The following MICAL1 variants were observed in gnomAD, a reference collection of about 807,000 sequenced individuals.
The protein encoded by MICAL1 is [F-actin]-monooxygenase MICAL1.
In MICAL1, 95 loss-of-function variants were observed where a neutral mutation model predicts 131.8. The observed-to-expected ratio is 0.72, with a 90% CI of 0.61 to 0.86. MICAL1 has a LOEUF of 0.86. MICAL1 is among the 40% of genes least tolerant of loss of function. The pLI, the probability that MICAL1 is intolerant of heterozygous loss-of-function variation, is 0.00. For synonymous variants in MICAL1, 546 were observed against 554.2 expected (o/e 0.99, Z 0.21); for missense variants, 1,292 against 1,380.6 (o/e 0.94, Z 1.02).
chr6:109,451,908 G>A, intron 6 of MICAL1: 1 of 1,391,180 alleles, frequency 7.2e-7, no homozygotes, highest in South Asian at 1.6e-5. Flanking sequence ...AAAGAGGGAA[G>A]CTTGGAGGGG....
Position 109,444,748 on chromosome 6 carries a change from A to G in MICAL1, c.3032T>C (p.Leu1011Pro), listed in dbSNP as rs763358152. Residue 1011 changes from leucine to proline, a missense_variant, in exon 24 of 25, where the codon CTA (leucine) becomes CCA (proline). Physicochemically the swap from Leu to Pro is moderately conservative, Grantham distance 98 (BLOSUM62 -3). Coordinates refer to ENST00000358807, the MANE Select transcript of MICAL1 (RefSeq NM_022765.4). Reference sequence around the variant, plus strand: ...ACCTTCCCGGTTCATGTAGCCTCGTAGCTCCTGGTCCAGCTGCCACTGTTT... The same window carrying G: ...ACCTTCCCGGTTCATGTAGCCTCGTGGCTCCTGGTCCAGCTGCCACTGTTT... ...EEKQWQLDQE[L>P]RGYMNREENL... The G allele has an allele frequency of 6.2e-7, 1 of 1,614,030 alleles. No homozygotes were observed. The highest frequency in any genetic ancestry group is 8.5e-7 in the Non-Finnish European group (1 of 1,180,014).
In MICAL1 at chr6:109,455,651, C is replaced by A; in HGVS notation, c.-44+68G>T. 2.1e-6 allele frequency: 2 copies of A among 957,492 alleles called. No individual in the cohort carries two copies. Among genetic ancestry groups the A allele is most frequent in the Non-Finnish European group, 2.5e-6 (2 of 804,328 alleles). The allele number at this position is 957,492 out of a possible 1,614,324, so 59.3% of individuals were successfully genotyped here. ...CCCGAGCGACCGCAGCTGCGTTTCC[C>A]CGGAAGCGCACCCCACCTCACCCCA... is the stretch of plus-strand genomic sequence containing the variant. On this transcript the variant is annotated intron_variant, in intron 1 of 24. Transcript: ENST00000358807. This position sits in a 1 kb window ranked among gnomAD's most constrained non-coding sequence, Gnocchi z 4.7.
chr6:109,444,209 C>G lies in MICAL1; in HGVS notation c.3186G>C (p.Gly1062=). The G allele has an allele frequency of 6.2e-7, 1 of 1,613,288 alleles. No homozygotes were observed. The highest frequency in any genetic ancestry group is 8.5e-7 in the Non-Finnish European group (1 of 1,179,990). ...CCCTCGTCTAGCCCTGGGCCCCTGT[C>G]CCCAAGGCCAGCTCGCTGAGCCTGC... ...EERRLSELAL[G]TGAQG Residue 1062 remains glycine (G), a synonymous_variant, in exon 25 of 25, where the codon GGG becomes GGC. Transcript: ENST00000358807.
In MICAL1 at chr6:109,455,571, C is replaced by T; in HGVS notation, c.-44+148G>A. The stretch of plus-strand genomic sequence containing the variant: ...GACACTGGACGGCAAAGTCCGGACG[C>T]GGCGTGAGCAGGGCTGGGCTGAGGG... On this transcript the variant is annotated intron_variant, in intron 1 of 24. Transcript: ENST00000358807. The surrounding 1 kb of genome is among the most constrained non-coding windows in gnomAD (Gnocchi z 4.7). The T allele has an allele frequency of 4.3e-6, 2 of 464,082 alleles. No homozygotes were observed. Among genetic ancestry groups the T allele is most frequent in the Non-Finnish European group, 2.8e-6 (1 of 352,568 alleles). 28.7% of individuals were successfully genotyped at this position (464,082 alleles called of 1,614,324 possible).
rs769737637 is a variant in MICAL1, at chr6:109,446,822, C to A, written c.2228-50G>T. On this transcript the variant is annotated intron_variant, in intron 17 of 24. Transcript: ENST00000358807. ...GGCATTTGGTGTGGGCAGCCCAGTGCCCAGACACGCAACAGTTTATGAAGG... is the reference window on the plus strand; with the variant it reads ...GGCATTTGGTGTGGGCAGCCCAGTGACCAGACACGCAACAGTTTATGAAGG... The A allele has an allele frequency of 3.0e-5, 46 of 1,524,736 alleles. No homozygotes were observed. The East Asian group carries it at 1.0e-3, about 34-fold the overall frequency. 94.5% of individuals were successfully genotyped at this position (1,524,736 alleles called of 1,614,324 possible).
At position 109,447,434 on chromosome 6, in the gene MICAL1, C is replaced by T; in HGVS notation, c.1993G>A (p.Ala665Thr). The change falls in exon 16 of 25, where the codon GCC becomes ACC. Residue 665 changes from alanine to threonine, a missense_variant. Ala to Thr is a moderately conservative substitution (Grantham distance 58). Coordinates refer to ENST00000358807, the MANE Select transcript of MICAL1 (RefSeq NM_022765.4). ...GGCACCTCAGTACTTGGGGTCTCGG[C>T]CTCCATCTAAGGAGGTAAGTGCTCA... is the stretch of plus-strand genomic sequence containing the variant. ...GGKKLRLEME[A>T]ETPSTEVPPD... The T allele has an allele frequency of 6.2e-7, 1 of 1,612,246 alleles. No individual in the cohort carries two copies. The highest frequency in any genetic ancestry group is 1.3e-5 in the African/African-American group (1 of 74,934).
rs756668631 is a variant in MICAL1, at chr6:109,453,813, C to T, written c.291G>A (p.Leu97=). ...CLVVGAGPCG[L]RVAVELALLG... is the part of the protein sequence containing the mutation. ...GCAGCGCCAGCTCCACAGCGACCCG[C>T]AGCCCGCAAGGTCCAGCACCCACCA... Residue 97 remains leucine (L), a synonymous_variant, in exon 3 of 25, where the codon CTG becomes CTA. Coordinates refer to ENST00000358807, the MANE Select transcript of MICAL1 (RefSeq NM_022765.4). 11 of 1,613,670 alleles carry T rather than the reference C, an allele frequency of 6.8e-6. No homozygotes were observed. Among genetic ancestry groups the T allele is most frequent in the Non-Finnish European group, 9.3e-6 (11 of 1,180,030 alleles).
At chr6:109,447,531 A>AG in intron 15 of MICAL1, 91 bp from the exon 16 acceptor site, 1 of 1,495,454 alleles carries the variant, frequency 6.7e-7, no homozygotes, top group Non-Finnish European at 9.2e-7. Flanking sequence ...GCTGAAGGGA[A>AG]GGGGAGTGAG....
intron 12 of MICAL1, 42 bp downstream of exon 12, chr6:109,448,690 C>G: frequency 6.2e-7 from 1 of 1,611,368 alleles, no homozygotes. Flanking sequence ...CTAACTCCTA[C>G]ACTGAGATCA....
rs1775179291 is a variant in MICAL1, at chr6:109,445,634, C to T, written c.2674-105G>A. ...AACCCGTGCTGAAGTGGGGTAAGCT[C>T]TGGTAGAAAAGGTAGAGGCCAGAGA... On this transcript the variant is annotated intron_variant, in intron 20 of 24. Coordinates refer to ENST00000358807, the MANE Select transcript of MICAL1 (RefSeq NM_022765.4). 10 of 1,523,954 alleles carry T rather than the reference C, an allele frequency of 6.6e-6. No individual in the cohort carries two copies. The East Asian group carries it at 2.3e-4, about 35-fold the overall frequency. 94.4% of individuals were successfully genotyped at this position (1,523,954 alleles called of 1,614,324 possible). A position where few individuals can be genotyped will look rare whatever the true frequency, so the allele number is the denominator to read the frequency against.
At chr6:109,446,951 C>T in intron 17 of MICAL1, 122 bp downstream of exon 17, 1 of 1,334,330 alleles carries the variant, frequency 7.5e-7, no homozygotes, top group South Asian at 1.4e-5. Context: ...AGACCCTGAG[C>T]TCAGGAGAAC....
chr6:109,450,270 T>A (rs754073454), intron 8 of MICAL1, 30 bp downstream of exon 8: 1 of 1,591,966 alleles, frequency 6.3e-7, no homozygotes, highest in Non-Finnish European at 8.6e-7. Flanking sequence ...CCCCTAACCA[T>A]GAAACCCCTG....
intron 6 of MICAL1, chr6:109,451,926 T>G: frequency 7.2e-7 from 1 of 1,385,758 alleles, no homozygotes; most frequent in Non-Finnish European, 9.3e-7. Context: ...GGGGGTGGCA[T>G]TTGGGAGACC....
intron 11 of MICAL1, 36 bp from the exon 12 acceptor site, chr6:109,448,915 T>C: frequency 1.2e-6 from 2 of 1,609,412 alleles, no homozygotes; most frequent in East Asian, 4.5e-5. Flanking sequence ...CAAGGCCCCC[T>C]CTGCCCATCC....
In MICAL1 at chr6:109,451,657, G is replaced by A. The variant is rs751356277; in HGVS notation, c.876C>T (p.His292=). The A allele has an allele frequency of 1.9e-6, 3 of 1,614,100 alleles. No homozygotes were observed. The East Asian group carries it at 6.7e-5, about 36-fold the overall frequency. Residue 292 remains histidine (H), a synonymous_variant, in exon 7 of 25, where the codon CAC becomes CAT. Transcript: ENST00000358807. ...ENIVYYKDDT[H]YFVMTAKKQC... ...GCTTCTTGGCTGTCATCACAAAGTA[G>A]TGGGTGTCGTCCTTGTAGTACACAA...
intron 17 of MICAL1, 127 bp downstream of exon 17, chr6:109,446,946 C>G: frequency 7.6e-7 from 1 of 1,319,234 alleles, no homozygotes; most frequent in African/African-American, 1.5e-5. Context: ...AGAGAAGACC[C>G]TGAGCTCAGG....
rs749073327 is a variant in MICAL1 at position 109,446,724 on chromosome 6, T to G, written c.2276A>C (p.Glu759Ala). The part of the protein sequence containing the change: ...QHLPQTDHKA[E>A]GSDRGPESPE... The stretch of plus-strand genomic sequence containing the variant: ...ACTCTCAGGGCCTCTATCGCTGCCT[T>G]CCGCTTTGTGGTCTGTCTGGGGCAG... The change falls in exon 18 of 25, where the codon GAA becomes GCA. Residue 759 changes from glutamate to alanine, a missense_variant. Glu to Ala is a moderately radical substitution (Grantham distance 107). Coordinates refer to ENST00000358807, the MANE Select transcript of MICAL1 (RefSeq NM_022765.4). The G allele has an allele frequency of 8.7e-6, 14 of 1,613,870 alleles. No individual in the cohort carries two copies. The highest frequency in any genetic ancestry group is 1.3e-5 in the African/African-American group (1 of 75,016).
chr6:109,455,618 G>A lies in MICAL1; in HGVS notation c.-44+101C>T, dbSNP rs1775716090. On this transcript the variant is annotated intron_variant, in intron 1 of 24. Coordinates refer to ENST00000358807, the MANE Select transcript of MICAL1 (RefSeq NM_022765.4). This position sits in a 1 kb window ranked among gnomAD's most constrained non-coding sequence, Gnocchi z 4.7. Reference sequence around the variant, plus strand: ...AGGGAAGACCTGCCTGACCTGCCAGGCGTGGTTCCCGAGCGACCGCAGCTG... The same window carrying A: ...AGGGAAGACCTGCCTGACCTGCCAGACGTGGTTCCCGAGCGACCGCAGCTG... The A allele has an allele frequency of 2.5e-6, 2 of 791,052 alleles. No homozygotes were observed. The highest frequency in any genetic ancestry group is 3.1e-6 in the Non-Finnish European group (2 of 651,934). 49.0% of individuals were successfully genotyped at this position (791,052 alleles called of 1,614,324 possible).
chr6:109,446,342 G>T lies in MICAL1; in HGVS notation c.2375C>A (p.Ala792Asp). The T allele has an allele frequency of 1.2e-6, 2 of 1,613,498 alleles. No individual in the cohort carries two copies. The highest frequency in any genetic ancestry group is 1.7e-6 in the Non-Finnish European group (2 of 1,179,914). Residue 792 changes from alanine (A) to aspartate (D), a missense_variant, in exon 19 of 25, where the codon GCC becomes GAC. Ala to Asp is a moderately radical substitution (Grantham distance 126, BLOSUM62 -2). Transcript: ENST00000358807. ...CTGGCTGGGATCTGGAACAGGACCG[G>T]CCCCCTCCTGCGAGGCTGTGGGAGT... ...LSTPTASQEG[A>D]GPVPDPSQPT... is the part of the protein sequence containing the mutation.
Sources: allele counts gnomAD v4.1 joint callset, GRCh38; gene constraint gnomAD v4.1.1; non-coding constraint Gnocchi (gnomAD v3.1); transcripts MANE v1.5; gene names NCBI Gene and HGNC (gene_info 2026-07-23, HGNC 2026-07-21).